SAMD5: variants seen among roughly 807,000 people sequenced by gnomAD.
SAMD5 encodes the protein sterile alpha motif domain-containing protein 5.
In SAMD5, 13 loss-of-function variants were observed where a neutral mutation model predicts 11.3. The ratio of observed to expected loss-of-function variants is 1.15; its 90% CI spans 0.75 to 1.83. SAMD5 has a LOEUF of 1.83. Ranked by LOEUF, SAMD5 falls within the 40% of genes most tolerant of loss-of-function variation. The pLI is 0.00. For synonymous variants in SAMD5, 129 were observed against 111.3 expected (o/e 1.16, Z -1.00); for missense variants, 255 against 239.1 (o/e 1.07, Z -0.44).
chr6:147,953,614 A>C, the SAMD5 span: 219 of 152,358 alleles, frequency 1.4e-3, no homozygotes, highest in African/African-American at 5.1e-3. Context: ...TGTTAAAATC[A>C]GCCAAAATAT....
Position 147,509,132 on chromosome 6 carries a change from C to A in SAMD5, c.204C>A (p.Asn68Lys), listed in dbSNP as rs1388022871. 6.4e-7 allele frequency: 1 copy of A among 1,555,112 alleles called. No individual in the cohort carries two copies. The highest frequency in any genetic ancestry group is 1.8e-4 in the Middle Eastern group (1 of 5,642). Residue 68 changes from asparagine to lysine, a missense_variant, in exon 1 of 2, where the codon AAC (asparagine) becomes AAA (lysine). Coordinates refer to ENST00000367474, the MANE Select transcript of SAMD5 (RefSeq NM_001030060.3). ...GCCGGCTGCGGGAGCAGGACGCCAA[C>A]GCCGCCGGCCTCTACTTCACGCTTG... The part of the protein sequence containing the change: ...AVRRLREQDA[N>K]AAGLYFTLEP...
At chr6:147,949,372 G>C in the SAMD5 span, among the ~76,000 whole-genome samples, 1 of 152,160 alleles carries the variant, frequency 6.6e-6, no homozygotes, top group Non-Finnish European at 1.5e-5. Flanking sequence ...CCCCAGTTTG[G>C]TAAGAAATCT....
chr6:147,756,371 G>A, the SAMD5 span, among the ~76,000 whole-genome samples: 1 of 152,072 alleles, frequency 6.6e-6, no homozygotes, highest in South Asian at 2.1e-4. Flanking sequence ...ATTTGATTTG[G>A]ATCCTGGGGA....
chr6:147,852,673 A>C, the SAMD5 span, among the ~76,000 whole-genome samples: 1,682 of 152,304 alleles, frequency 0.011, 25 homozygotes, highest in African/African-American at 0.039. Flanking sequence ...TCTATGCTAA[A>C]TCTCCCAGTG....
chr6:147,691,933 T>A (rs1357113540), intron 1 of SAMD5, among the ~76,000 whole-genome samples: 2 of 151,370 alleles, frequency 1.3e-5, no homozygotes, highest in Non-Finnish European at 1.5e-5. Flanking sequence ...ATTTGAAGAG[T>A]TACAGCCTCA....
chr6:147,683,367 T>G lies in SAMD5; in HGVS notation c.163-53950T>G, dbSNP rs372332004. ...CAGGACCCTTTTCTCCCTTTAAAAA[T>G]TATTGAGGACTCTAAAGAGATCTCT... On this transcript the variant is annotated intron_variant, in intron 1 of 1. Coordinates refer to the SAMD5 transcript ENST00000566741. Among the ~76,000 whole-genome samples the G allele has an allele frequency of 4.6e-5, 7 of 152,248 alleles. 1 individual carries two copies. In the South Asian group the frequency reaches 1.4e-3, roughly 31 times the overall value.
chr6:147,574,806 C>T (rs955952000), downstream of SAMD5, among the ~76,000 whole-genome samples: 2 of 152,002 alleles, frequency 1.3e-5, no homozygotes, highest in Non-Finnish European at 2.9e-5. Flanking sequence ...AGGGAGCACC[C>T]CTCATGGCCT....
downstream of SAMD5, among the ~76,000 whole-genome samples, chr6:147,738,093 C>G (rs183493252): frequency 6.6e-6 from 1 of 152,252 alleles, no homozygotes; most frequent in Non-Finnish European, 1.5e-5. Context: ...CTTTATTGAT[C>G]AAATGCTAGC....
At chr6:147,696,316 T>C (rs17077252) in intron 1 of SAMD5, among the ~76,000 whole-genome samples, 4,524 of 151,266 alleles carry the variant, frequency 0.03, 107 homozygotes, top group South Asian at 0.072. Context: ...TTATACTAAA[T>C]TCTTAATGTC....
intron 1 of SAMD5, among the ~76,000 whole-genome samples, chr6:147,609,173 T>C (rs541896608): frequency 2.4e-4 from 37 of 152,186 alleles, no homozygotes; most frequent in Non-Finnish European, 5.1e-4. Context: ...AGACAGGACC[T>C]TAATGAGATA....
intron 1 of SAMD5, among the ~76,000 whole-genome samples, chr6:147,661,304 A>T (rs922407320): frequency 1.3e-5 from 2 of 152,252 alleles, no homozygotes; most frequent in African/African-American, 4.8e-5. Flanking sequence ...GCTGCTTTTC[A>T]CATGGAAGTA....
chr6:147,610,030 A>G lies in SAMD5; in HGVS notation c.162+100643A>G, dbSNP rs529425038. On this transcript the variant is annotated intron_variant, in intron 1 of 1. Coordinates refer to the SAMD5 transcript ENST00000566741. ...CAAACAGTTGGGAAAATAGCCACGA[A>G]CCAAGTATGAAGATTGCACATTATG... is the stretch of plus-strand genomic sequence containing the variant. Among the ~76,000 whole-genome samples the G allele has an allele frequency of 3.9e-5, 6 of 152,326 alleles. No homozygotes were observed. The East Asian group carries it at 1.2e-3, about 29-fold the overall frequency.
intron 1 of SAMD5, among the ~76,000 whole-genome samples, chr6:147,577,968 T>C (rs1789242832): frequency 6.6e-6 from 1 of 152,162 alleles, no homozygotes; most frequent in Non-Finnish European, 1.5e-5. Flanking sequence ...GGTACACTAT[T>C]ACAAAAGTTC....
Position 147,566,406 on chromosome 6 carries a change from T to G in SAMD5, c.*1950T>G. 2 of 985,230 alleles carry G rather than the reference T, an allele frequency of 2.0e-6. No individual in the cohort carries two copies. Among genetic ancestry groups the G allele is most frequent in the Non-Finnish European group, 2.4e-6 (2 of 829,354 alleles). The allele number at this position is 985,230 out of a possible 1,614,324, so 61.0% of individuals were successfully genotyped here. Reference sequence around the variant, plus strand: ...TATTGTGATAACAAATGGCTTCCTGTTTGACCTCATTTCCAGGTGTCGCAT... The same window carrying G: ...TATTGTGATAACAAATGGCTTCCTGGTTGACCTCATTTCCAGGTGTCGCAT... On this transcript the variant is annotated 3_prime_UTR_variant, in exon 2 of 2. Coordinates refer to ENST00000367474, the MANE Select transcript of SAMD5 (RefSeq NM_001030060.3).
the SAMD5 span, among the ~76,000 whole-genome samples, chr6:147,818,225 G>T: frequency 2.0e-5 from 3 of 152,184 alleles, no homozygotes; most frequent in African/African-American, 7.2e-5. Flanking sequence ...ATGCCATATA[G>T]AATTGAACTG....
the SAMD5 span, among the ~76,000 whole-genome samples, chr6:147,887,454 A>G: frequency 6.6e-6 from 1 of 152,352 alleles, no homozygotes; most frequent in African/African-American, 2.4e-5. Context: ...TCACTCATCC[A>G]TTGAGTGAGA....
At chr6:147,576,543 A>G (rs1206069992) in intron 1 of SAMD5, among the ~76,000 whole-genome samples, 1 of 152,168 alleles carries the variant, frequency 6.6e-6, no homozygotes, top group African/African-American at 2.4e-5. Flanking sequence ...CTTTGGGACC[A>G]GGGAGAAAGT....
chr6:147,709,050 T>C (rs1175647736), intron 1 of SAMD5, among the ~76,000 whole-genome samples: 1 of 152,220 alleles, frequency 6.6e-6, no homozygotes, highest in Non-Finnish European at 1.5e-5. Context: ...TTTATGTGGA[T>C]CTAGGGAACA....
chr6:147,673,585 A>G (rs1043078896), intron 1 of SAMD5, among the ~76,000 whole-genome samples: 1 of 151,474 alleles, frequency 6.6e-6, no homozygotes, highest in Non-Finnish European at 1.5e-5. Context: ...CACTTCCTCT[A>G]TTTATTGATG....
Sources: allele counts gnomAD v4.1 joint callset (sites outside exome capture counted in the v4.1 genomes callset), GRCh38; gene constraint gnomAD v4.1.1; transcripts MANE v1.5; gene names NCBI Gene and HGNC (gene_info 2026-07-23, HGNC 2026-07-21).